CCNJL: variants seen among roughly 807,000 people sequenced by gnomAD.
CCNJL encodes cyclin J like.
A neutral mutation model predicts 33.4 loss-of-function variants in CCNJL; 33 were observed. The observed-to-expected ratio is 0.99, with a 90% CI of 0.75 to 1.32. The LOEUF (loss-of-function observed/expected upper bound fraction) is 1.32, where lower values mean the gene tolerates loss of function less well. Ranked by LOEUF, CCNJL falls within the 40% of genes most tolerant of loss-of-function variation. The pLI is 0.00. For missense variants in CCNJL, 512 were observed against 499.7 expected, an observed-to-expected ratio of 1.02 and a Z score of -0.23; for synonymous variants, 227 against 220.9, an observed-to-expected ratio of 1.03 and a Z score of -0.24.
intron 2 of CCNJL, among the ~76,000 whole-genome samples, chr5:160,289,048 T>C (rs932647955): frequency 6.6e-6 from 1 of 152,080 alleles, no homozygotes. Flanking sequence ...CACCGTAAGG[T>C]TGTGCCATGA....
chr5:160,323,280 A>G (rs1014862678), intron 1 of CCNJL, among the ~76,000 whole-genome samples: 2 of 151,800 alleles, frequency 1.3e-5, no homozygotes, highest in African/African-American at 4.8e-5. Context: ...GTTTGTTTAG[A>G]AGCAGTGTCT....
chr5:160,288,069 A>G (rs797016110), intron 2 of CCNJL, among the ~76,000 whole-genome samples: 20 of 152,258 alleles, frequency 1.3e-4, no homozygotes, highest in African/African-American at 4.8e-4. Context: ...GGAAAAAGAA[A>G]TCCACCTTAC....
intron 1 of CCNJL, among the ~76,000 whole-genome samples, chr5:160,333,279 C>T (rs1052924305): frequency 9.2e-5 from 14 of 152,038 alleles, no homozygotes; most frequent in Non-Finnish European, 1.8e-4. Context: ...CCCGCCACCA[C>T]GCCCGGCTAA....
chr5:160,282,990 T>TATAC (rs1391873107), intron 2 of CCNJL, among the ~76,000 whole-genome samples: 1 of 60,178 alleles, frequency 1.7e-5, no homozygotes, highest in Non-Finnish European at 3.1e-5. Context: ...TATATATATA[T>TATAC]ATATATATAT....
At chr5:160,254,714 A>G (rs1407914631) in intron 5 of CCNJL, 2 of 186,668 alleles carry the variant, frequency 1.1e-5, no homozygotes, top group East Asian at 1.3e-4. Context: ...TGCTCCCTGC[A>G]GTAACTATGG....
intron 4 of CCNJL, chr5:160,258,105 CA>C (rs1424858056): frequency 3.5e-6 from 1 of 283,782 alleles, no homozygotes; most frequent in Non-Finnish European, 6.8e-6. Flanking sequence ...CTCAGCCTCC[CA>C]AAGTGCTGGA....
intron 3 of CCNJL, among the ~76,000 whole-genome samples, chr5:160,278,380 A>C (rs1762089552): frequency 6.6e-6 from 1 of 152,130 alleles, no homozygotes; most frequent in Non-Finnish European, 1.5e-5. Context: ...CTTATCTCAG[A>C]ATAATTTGGT....
At chr5:160,280,994 G>A (rs1762191748) in intron 2 of CCNJL, 2 of 572,310 alleles carry the variant, frequency 3.5e-6, no homozygotes. Flanking sequence ...CATGGGAAAG[G>A]TTTGCTATTT....
chr5:160,271,374 A>T (rs945897598), intron 3 of CCNJL, among the ~76,000 whole-genome samples: 19 of 152,186 alleles, frequency 1.2e-4, no homozygotes, highest in African/African-American at 2.4e-4. Context: ...AAATTAAAAT[A>T]AAAAAAAGCC....
At chr5:160,316,880 G>A (rs997182683), upstream of CCNJL, among the ~76,000 whole-genome samples, 2 of 152,160 alleles carry the variant, frequency 1.3e-5, no homozygotes, top group African/African-American at 4.8e-5. Flanking sequence ...TAACCACACT[G>A]CAGTGAATAT....
chr5:160,255,778 T>C, intron 4 of CCNJL, 70 bp from the exon 5 acceptor site: 1 of 1,361,130 alleles, frequency 7.3e-7, no homozygotes, highest in Non-Finnish European at 1.0e-6. Context: ...ACCCTGAGAA[T>C]GGATGGACAA....
intron 1 of CCNJL, among the ~76,000 whole-genome samples, chr5:160,325,565 G>C (rs1023987769): frequency 6.6e-6 from 1 of 152,142 alleles, no homozygotes; most frequent in African/African-American, 2.4e-5. Flanking sequence ...GCCTGTTCCA[G>C]GGGAATTTGT....
At chr5:160,304,470 C>T (rs1763028355) in intron 2 of CCNJL, among the ~76,000 whole-genome samples, 1 of 152,174 alleles carries the variant, frequency 6.6e-6, no homozygotes, top group African/African-American at 2.4e-5. Flanking sequence ...CCCACACCTT[C>T]ATCTCCAGGG....
Position 160,255,575 on chromosome 5 carries a change from G to C in CCNJL, c.717C>G (p.Leu239=). The change falls in exon 5 of 6, where the codon CTC becomes CTG. Residue 239 remains leucine, a synonymous_variant. Coordinates refer to ENST00000257536, the MANE Select transcript of CCNJL (RefSeq NM_001308173.3). The part of the protein sequence containing the change: ...QRISSYSLEH[L]STCIEILLVV... ...CCAGCAGGATTTCAATACACGTGCT[G>C]AGGTGCTCCAGGGAATAGCTTGAGA... 6 of 1,614,164 alleles carry C rather than the reference G, an allele frequency of 3.7e-6. No homozygotes were observed. Among genetic ancestry groups the C allele is most frequent in the Non-Finnish European group, 5.1e-6 (6 of 1,179,988 alleles).
chr5:160,294,183 C>T (rs2113400182), intron 2 of CCNJL, among the ~76,000 whole-genome samples: 1 of 152,292 alleles, frequency 6.6e-6, no homozygotes, highest in Non-Finnish European at 1.5e-5. Flanking sequence ...ACCTGGGAGG[C>T]CCAGCAAGGC....
At chr5:160,281,818 T>C (rs946250940) in intron 2 of CCNJL, among the ~76,000 whole-genome samples, 5 of 152,032 alleles carry the variant, frequency 3.3e-5, no homozygotes, top group African/African-American at 1.2e-4. Flanking sequence ...ACCCAGCTAA[T>C]TGTTTTTGTA....
chr5:160,295,563 T>C (rs375388936), intron 2 of CCNJL, among the ~76,000 whole-genome samples: 20 of 152,114 alleles, frequency 1.3e-4, no homozygotes, highest in African/African-American at 4.3e-4. Flanking sequence ...TAGATCAGGA[T>C]AGGCGCTAAT....
chr5:160,277,650 C>T (rs1267036591), intron 3 of CCNJL, among the ~76,000 whole-genome samples: 1 of 152,120 alleles, frequency 6.6e-6, no homozygotes, highest in Non-Finnish European at 1.5e-5. Flanking sequence ...CCTCCTGTGG[C>T]CCGCAGACAT....
chr5:160,256,252 G>A (rs1277795654), intron 4 of CCNJL, among the ~76,000 whole-genome samples: 1 of 152,106 alleles, frequency 6.6e-6, no homozygotes, highest in Admixed American at 6.5e-5. Flanking sequence ...CGGCTCCCAG[G>A]GAGCAGCAAG....
Sources: gnomAD v4.1 joint callset for allele counts (sites outside exome capture counted in the v4.1 genomes callset) on GRCh38, gnomAD v4.1.1 for gene constraint, MANE v1.5 for transcripts, NCBI Gene and HGNC (gene_info 2026-07-23, HGNC 2026-07-21) for gene names.